DAB1: variants seen among roughly 807,000 people sequenced by gnomAD.
DAB1 encodes the protein disabled homolog 1.
Under a neutral mutation model 64.6 loss-of-function variants are expected in DAB1, and 15 were observed. That is an observed-to-expected ratio of 0.23 (90% CI 0.16 to 0.36). DAB1 has a LOEUF of 0.36. Ranked by LOEUF, DAB1 falls within the 10% of genes least tolerant of loss-of-function variation. The probability of loss-of-function intolerance (pLI) is 1.00; values close to 1 mark genes in which losing one functional copy is unlikely to be tolerated. For missense variants in DAB1, 596 were observed against 706.7 expected (o/e 0.84, Z 1.78); for synonymous variants, 235 against 251.9 (o/e 0.93, Z 0.64).
At chr1:58,193,426 G>A (rs773974565) in intron 4 of DAB1, among the ~76,000 whole-genome samples, 20 of 152,176 alleles carry the variant, frequency 1.3e-4, no homozygotes, top group Non-Finnish European at 2.1e-4. Context: ...CCTAGCCTCT[G>A]GTAGTCCTTT....
chr1:58,106,148 TC>T (rs1261526926), intron 5 of DAB1, among the ~76,000 whole-genome samples: 2 of 147,148 alleles, frequency 1.4e-5, no homozygotes, highest in Non-Finnish European at 2.9e-5. Context: ...TTCTTTCTTT[TC>T]TTTCTTTCTT....
intron 7 of DAB1, among the ~76,000 whole-genome samples, chr1:57,583,843 C>T (rs576575793): frequency 6.6e-6 from 1 of 152,248 alleles, no homozygotes; most frequent in South Asian, 2.1e-4. Context: ...CTCTTAGAGA[C>T]CTTGGTTCTT....
chr1:57,244,292 C>T (rs1296166389), intron 2 of DAB1, among the ~76,000 whole-genome samples: 1 of 152,176 alleles, frequency 6.6e-6, no homozygotes. Flanking sequence ...ACTCCAAACA[C>T]CCAATACAGT....
chr1:58,539,621 A>G (rs1254563930), intron 1 of DAB1, among the ~76,000 whole-genome samples: 1 of 152,244 alleles, frequency 6.6e-6, no homozygotes, highest in Non-Finnish European at 1.5e-5. Context: ...AGTGGATTAG[A>G]TAAAAACAAC....
intron 4 of DAB1, among the ~76,000 whole-genome samples, chr1:58,201,151 G>T (rs532468491): frequency 6.6e-6 from 1 of 151,818 alleles, no homozygotes; most frequent in Non-Finnish European, 1.5e-5. Context: ...CGAGTAACTG[G>T]GACTACAGGT....
At chr1:58,145,444 A>G (rs1306536913) in intron 5 of DAB1, among the ~76,000 whole-genome samples, 1 of 151,558 alleles carries the variant, frequency 6.6e-6, no homozygotes, top group Non-Finnish European at 1.5e-5. Flanking sequence ...TGTCGTAAAG[A>G]TTAAATATAA....
chr1:57,553,430 GAA>G (rs1335438640), intron 7 of DAB1, among the ~76,000 whole-genome samples: 196 of 17,834 alleles, frequency 0.011, 24 homozygotes, highest in Middle Eastern at 0.071. Flanking sequence ...AAGAAAGAAA[GAA>G]AGAAAGAAAG....
At chr1:58,431,178 A>G (rs866028609) in intron 3 of DAB1, among the ~76,000 whole-genome samples, 6 of 152,330 alleles carry the variant, frequency 3.9e-5, no homozygotes, top group Middle Eastern at 3.4e-3. Flanking sequence ...AAATGTACCA[A>G]AAATGGCTTC....
intron 3 of DAB1, among the ~76,000 whole-genome samples, chr1:58,391,833 A>C (rs2100555710): frequency 6.6e-6 from 1 of 152,366 alleles, no homozygotes; most frequent in East Asian, 1.9e-4. Context: ...TTCAATCAGG[A>C]AAGCTGAAAC....
intron 1 of DAB1, among the ~76,000 whole-genome samples, chr1:57,318,066 T>C (rs79893010): frequency 6.8e-6 from 1 of 147,712 alleles, no homozygotes; most frequent in Non-Finnish European, 1.5e-5. Context: ...TATTTCCAAA[T>C]GGCAAGGTCA....
intron 3 of DAB1, among the ~76,000 whole-genome samples, chr1:58,365,380 C>T (rs1174856304): frequency 1.3e-5 from 2 of 152,222 alleles, no homozygotes; most frequent in Non-Finnish European, 1.5e-5. Flanking sequence ...GTGTGGTCTA[C>T]AGAGAGTCTG....
At chr1:58,139,847 C>T (rs76269344) in intron 5 of DAB1, among the ~76,000 whole-genome samples, 2,512 of 152,252 alleles carry the variant, frequency 0.016, 64 homozygotes, top group South Asian at 0.1. Context: ...TTCAGGGATG[C>T]TTTGGGGATT....
At chr1:57,182,417 C>A (rs145505917) in intron 2 of DAB1, among the ~76,000 whole-genome samples, 2 of 152,312 alleles carry the variant, frequency 1.3e-5, no homozygotes, top group South Asian at 2.1e-4. Context: ...CTGGCTGAAG[C>A]TGCAGAATTG....
At chr1:57,310,103 A>C (rs1558139519) in intron 1 of DAB1, among the ~76,000 whole-genome samples, 2 of 152,230 alleles carry the variant, frequency 1.3e-5, no homozygotes, top group Non-Finnish European at 2.9e-5. Context: ...GTTCTAGTGA[A>C]GGTTGGTGGA....
chr1:58,230,736 T>C (rs977125033), intron 4 of DAB1, among the ~76,000 whole-genome samples: 3 of 152,106 alleles, frequency 2.0e-5, no homozygotes, highest in South Asian at 2.1e-4. Flanking sequence ...AGCAACAAAG[T>C]AAAAGCATTT....
rs1645542190 is a variant in DAB1 at position 57,962,254 on chromosome 1, G to A, written n.388-78092C>T. Among the ~76,000 whole-genome samples, 3 of 152,178 alleles carry A rather than the reference G, an allele frequency of 2.0e-5. No homozygotes were observed. In the South Asian group the frequency reaches 6.2e-4, roughly 32 times the overall value. ...TGAATTCTGACTGTGATAGCACATG[G>A]AAGTTAAATATCACCGTATCTGCCT... is the stretch of plus-strand genomic sequence containing the variant. On this transcript the variant is annotated intron_variant and non_coding_transcript_variant, in intron 5 of 20. Transcript: ENST00000485760.
At chr1:58,364,636 T>C (rs1644198836) in intron 3 of DAB1, among the ~76,000 whole-genome samples, 1 of 152,202 alleles carries the variant, frequency 6.6e-6, no homozygotes, top group Non-Finnish European at 1.5e-5. Flanking sequence ...CACATTGTAA[T>C]GTTAATCACC....
At chr1:57,986,349 G>A (rs958551357) in intron 5 of DAB1, among the ~76,000 whole-genome samples, 3 of 152,108 alleles carry the variant, frequency 2.0e-5, no homozygotes, top group African/African-American at 4.8e-5. Context: ...AAAAAGACCC[G>A]AGAGTGCTCC....
At chr1:58,522,943 C>CG (rs2100456174) in intron 2 of DAB1, among the ~76,000 whole-genome samples, 1 of 152,132 alleles carries the variant, frequency 6.6e-6, no homozygotes, top group African/African-American at 2.4e-5. Context: ...AGAGGTAGAA[C>CG]GGGAGACAGG....
Sources: allele counts gnomAD v4.1 joint callset (sites outside exome capture counted in the v4.1 genomes callset), GRCh38; gene constraint gnomAD v4.1.1; transcripts MANE v1.5; gene names NCBI Gene and HGNC (gene_info 2026-07-23, HGNC 2026-07-21).